The following NR2C1 variants were observed in gnomAD, a reference collection of about 807,000 sequenced individuals.
NR2C1 encodes nuclear receptor subfamily 2 group C member 1.
NR2C1 carries 33 observed loss-of-function variants against 74.8 expected under a neutral mutation model. The ratio of observed to expected loss-of-function variants is 0.44; its 90% CI spans 0.33 to 0.59. The LOEUF (loss-of-function observed/expected upper bound fraction) is 0.59, where lower values mean the gene tolerates loss of function less well. Ranked by LOEUF, NR2C1 falls within the 20% of genes least tolerant of loss-of-function variation. The probability of loss-of-function intolerance (pLI) is 0.02; values close to 1 mark genes in which losing one functional copy is unlikely to be tolerated. For synonymous variants in NR2C1, 225 were observed against 240.6 expected (o/e 0.94, Z 0.60); for missense variants, 568 against 715.6 (o/e 0.79, Z 2.35).
At chr12:95,042,193 A>G (rs1422151966) in intron 9 of NR2C1, among the ~76,000 whole-genome samples, 2 of 150,170 alleles carry the variant, frequency 1.3e-5, no homozygotes, top group Admixed American at 1.3e-4. Context: ...TGACTATTAT[A>G]GCTTTCATCA....
At chr12:95,063,554 G>A (rs1177794424) in intron 2 of NR2C1, among the ~76,000 whole-genome samples, 1 of 152,128 alleles carries the variant, frequency 6.6e-6, no homozygotes, top group African/African-American at 2.4e-5. Flanking sequence ...TTTTTAAAAA[G>A]GAATCAGACA....
intron 10 of NR2C1, among the ~76,000 whole-genome samples, chr12:95,036,269 G>GA (rs1391428642): frequency 1.2e-5 from 1 of 80,430 alleles, no homozygotes; most frequent in Non-Finnish European, 2.2e-5. Flanking sequence ...CGAATGTTGA[G>GA]ATTAAAAAAA....
intron 2 of NR2C1, among the ~76,000 whole-genome samples, chr12:95,063,177 T>C (rs1875057922): frequency 6.6e-6 from 1 of 152,182 alleles, no homozygotes; most frequent in Admixed American, 6.5e-5. Context: ...GGTGAGACAG[T>C]AACAGAATGA....
intron 8 of NR2C1, among the ~76,000 whole-genome samples, chr12:95,050,723 A>C (rs1198229080): frequency 6.6e-6 from 1 of 151,650 alleles, no homozygotes; most frequent in Non-Finnish European, 1.5e-5. Context: ...CCTATACACT[A>C]ATGTGTTCAG....
intron 7 of NR2C1, 84 bp downstream of exon 7, chr12:95,057,469 G>T: frequency 2.1e-6 from 2 of 949,816 alleles, no homozygotes; most frequent in South Asian, 1.9e-5. Flanking sequence ...TAAGAACAAA[G>T]CAATTTACCA....
rs1354322455 is a variant in NR2C1, at chr12:95,062,494, C to T, written c.285+14G>A. The stretch of plus-strand genomic sequence containing the variant: ...ATATATGTAAGAGGAAAAGACACTT[C>T]TATAGTTATTTACCTGCAGGTGTTG... On this transcript the variant is annotated intron_variant, in intron 3 of 13. Coordinates refer to ENST00000333003, the MANE Select transcript of NR2C1 (RefSeq NM_003297.4). The T allele has an allele frequency of 1.3e-6, 2 of 1,557,342 alleles. No individual in the cohort carries two copies. Among genetic ancestry groups the T allele is most frequent in the Non-Finnish European group, 1.8e-6 (2 of 1,139,790 alleles).
At chr12:95,042,629 CTGCCT>C (rs1487097161) in intron 9 of NR2C1, among the ~76,000 whole-genome samples, 1 of 152,106 alleles carries the variant, frequency 6.6e-6, no homozygotes, top group Non-Finnish European at 1.5e-5. Context: ...AAAACAACCC[CTGCCT>C]TTGTTCATTA....
intron 13 of NR2C1, among the ~76,000 whole-genome samples, 162 bp from the exon 14 acceptor site, chr12:95,022,565 G>A (rs1482710515): frequency 6.6e-6 from 1 of 152,138 alleles, no homozygotes; most frequent in Non-Finnish European, 1.5e-5. Flanking sequence ...AGAACATATG[G>A]CAATTACCTG....
At chr12:95,072,455 C>CAA (rs570185714) in intron 1 of NR2C1, among the ~76,000 whole-genome samples, 2,407 of 60,110 alleles carry the variant, frequency 0.04, 65 homozygotes, top group African/African-American at 0.048. Flanking sequence ...CTCTCCCTCT[C>CAA]AAAAAAAAAA....
intron 13 of NR2C1, among the ~76,000 whole-genome samples, chr12:95,024,211 TAATAAAATGTTTTATTTATTATAAACA>T (rs1192083328): frequency 2.6e-5 from 4 of 151,896 alleles, no homozygotes; most frequent in African/African-American, 9.7e-5. Flanking sequence ...TATGCCAAAC[TAATAAAATGTTTTATTTATTATAAACA>T]AACACACTTA....
chr12:95,072,295 A>C (rs1013121645), intron 1 of NR2C1, among the ~76,000 whole-genome samples: 13 of 142,652 alleles, frequency 9.1e-5, no homozygotes, highest in South Asian at 4.5e-4. Flanking sequence ...CAAAAACAAA[A>C]ACAAAAAAAC....
intron 10 of NR2C1, among the ~76,000 whole-genome samples, chr12:95,039,041 C>A (rs572408272): frequency 7.9e-5 from 12 of 152,114 alleles, no homozygotes; most frequent in African/African-American, 2.9e-4. Flanking sequence ...CCAGATCAGT[C>A]TCAATGACAG....
chr12:95,059,735 T>C (rs907525001), intron 4 of NR2C1, among the ~76,000 whole-genome samples, 171 bp downstream of exon 4: 1 of 152,086 alleles, frequency 6.6e-6, no homozygotes, highest in Non-Finnish European at 1.5e-5. Flanking sequence ...GGGAAAAAAT[T>C]AGTTAAATGT....
intron 3 of NR2C1, among the ~76,000 whole-genome samples, chr12:95,062,014 A>G (rs1874856892): frequency 6.6e-6 from 1 of 152,242 alleles, no homozygotes; most frequent in African/African-American, 2.4e-5. Context: ...TGTTGAAGCC[A>G]GCAGCTATAG....
chr12:95,040,373 C>T (rs1871371970), intron 10 of NR2C1, 103 bp downstream of exon 10: 3 of 1,101,972 alleles, frequency 2.7e-6, no homozygotes, highest in South Asian at 1.8e-5. Flanking sequence ...TAATGTTATA[C>T]TGTTTTTTCC....
At chr12:95,046,128 C>T (rs1175624434) in intron 9 of NR2C1, among the ~76,000 whole-genome samples, 1 of 152,148 alleles carries the variant, frequency 6.6e-6, no homozygotes, top group Non-Finnish European at 1.5e-5. Flanking sequence ...GTGTGAGCCA[C>T]CACACCCGGC....
intron 12 of NR2C1, among the ~76,000 whole-genome samples, chr12:95,026,370 A>T (rs1869366777): frequency 1.3e-5 from 2 of 152,172 alleles, no homozygotes; most frequent in African/African-American, 4.8e-5. Flanking sequence ...AACATGAAAA[A>T]ATCTATATAA....
intron 12 of NR2C1, 154 bp downstream of exon 12, chr12:95,028,233 T>C: frequency 1.7e-6 from 1 of 596,650 alleles, no homozygotes; most frequent in Non-Finnish European, 2.9e-6. Flanking sequence ...TGCTGAGTCA[T>C]ATGATAACTC....
intron 9 of NR2C1, among the ~76,000 whole-genome samples, chr12:95,041,465 G>A (rs1278264505): frequency 6.6e-6 from 1 of 152,048 alleles, no homozygotes; most frequent in Non-Finnish European, 1.5e-5. Flanking sequence ...CTGGGCAACA[G>A]AGTGAGACTC....
Sources: gnomAD v4.1 joint callset for allele counts (sites outside exome capture counted in the v4.1 genomes callset) on GRCh38, gnomAD v4.1.1 for gene constraint, MANE v1.5 for transcripts, NCBI Gene and HGNC (gene_info 2026-07-23, HGNC 2026-07-21) for gene names.